NRG1: variants seen among roughly 807,000 people sequenced by gnomAD.
NRG1 encodes pro-neuregulin-1, membrane-bound isoform.
Under a neutral mutation model 63.8 loss-of-function variants are expected in NRG1, and 18 were observed. The observed-to-expected ratio is 0.28, with a 90% CI of 0.19 to 0.42. The LOEUF (loss-of-function observed/expected upper bound fraction) is 0.42, where lower values mean the gene tolerates loss of function less well. Among genes scored for constraint, NRG1 ranks in the 10% least tolerant of loss-of-function variants. The pLI is 1.00. For missense variants in NRG1, 762 were observed against 814.7 expected, an observed-to-expected ratio of 0.94 and a Z score of 0.79; for synonymous variants, 302 against 301.3, an observed-to-expected ratio of 1.00 and a Z score of -0.02.
intron 1 of NRG1, among the ~76,000 whole-genome samples, chr8:32,363,157 G>A (rs929693888): frequency 4.6e-5 from 7 of 152,064 alleles, no homozygotes; most frequent in East Asian, 1.9e-4. Flanking sequence ...AACTGTCTTC[G>A]CAAAATCTCA....
intron 1 of NRG1, among the ~76,000 whole-genome samples, chr8:31,648,290 T>C (rs1204907877): frequency 6.6e-6 from 1 of 151,674 alleles, no homozygotes; most frequent in East Asian, 1.9e-4. Context: ...CGCGCCACCA[T>C]GCCCGGCTAA....
chr8:31,737,696 G>A (rs1563344240), intron 1 of NRG1, among the ~76,000 whole-genome samples: 1 of 152,230 alleles, frequency 6.6e-6, no homozygotes, highest in Admixed American at 6.5e-5. Context: ...AACTTGGATG[G>A]GAGCAGGCTG....
chr8:31,748,287 A>G (rs1228807743), intron 1 of NRG1, among the ~76,000 whole-genome samples: 2 of 151,900 alleles, frequency 1.3e-5, no homozygotes, highest in African/African-American at 4.8e-5. Context: ...CATTCTAAAC[A>G]CCTTCTGCCA....
chr8:32,723,755 T>C (rs1313156569), intron 5 of NRG1, among the ~76,000 whole-genome samples: 2 of 48,236 alleles, frequency 4.1e-5, no homozygotes, highest in Non-Finnish European at 8.3e-5. Context: ...AGGACGGAAA[T>C]AAGGAAGGAG....
At chr8:31,886,515 C>CA (rs1830725584) in intron 1 of NRG1, among the ~76,000 whole-genome samples, 1 of 151,954 alleles carries the variant, frequency 6.6e-6, no homozygotes, top group Non-Finnish European at 1.5e-5. Context: ...TAGAAAACAG[C>CA]AAAAATAATT....
chr8:32,754,621 T>A, intron 8 of NRG1, 147 bp downstream of exon 8: 2 of 710,308 alleles, frequency 2.8e-6, no homozygotes, highest in Non-Finnish European at 4.8e-6. Flanking sequence ...CTCTGAATAA[T>A]CCATTTTGAG....
At chr8:32,743,189 A>T in intron 7 of NRG1, 7 of 986,728 alleles carry the variant, frequency 7.1e-6, no homozygotes, top group Non-Finnish European at 8.4e-6. Flanking sequence ...TTTGATTCAG[A>T]ATGTGTTATT....
chr8:32,215,800 G>A (rs1314555822), intron 1 of NRG1, among the ~76,000 whole-genome samples: 3 of 152,140 alleles, frequency 2.0e-5, no homozygotes, highest in African/African-American at 7.2e-5. Context: ...CCAGCAATTT[G>A]GGAGACCAAG....
intron 1 of NRG1, among the ~76,000 whole-genome samples, chr8:31,725,573 T>A (rs528553219): frequency 6.6e-6 from 1 of 152,288 alleles, no homozygotes; most frequent in South Asian, 2.1e-4. Flanking sequence ...TCAGTTTGAA[T>A]AGAAAATGCT....
chr8:31,685,493 C>G (rs1585654772), intron 1 of NRG1, among the ~76,000 whole-genome samples: 1 of 152,106 alleles, frequency 6.6e-6, no homozygotes, highest in Non-Finnish European at 1.5e-5. Flanking sequence ...GCAGTTTAAA[C>G]AGCTTTATTG....
chr8:32,503,699 A>T (rs1481012388), intron 1 of NRG1, among the ~76,000 whole-genome samples: 1 of 152,210 alleles, frequency 6.6e-6, no homozygotes, highest in Non-Finnish European at 1.5e-5. Flanking sequence ...CGGTGAATCC[A>T]TACGGGTATG....
chr8:31,685,520 G>A (rs1267734812), intron 1 of NRG1, among the ~76,000 whole-genome samples: 1 of 152,146 alleles, frequency 6.6e-6, no homozygotes, highest in Non-Finnish European at 1.5e-5. Context: ...AATTTACATT[G>A]TCATAGAGTC....
intron 1 of NRG1, among the ~76,000 whole-genome samples, chr8:31,790,412 T>C (rs1289122344): frequency 6.6e-6 from 1 of 152,152 alleles, no homozygotes; most frequent in East Asian, 1.9e-4. Flanking sequence ...CTAAACCCTA[T>C]CACAACTTAT....
At chr8:32,608,315 T>A (rs2129540234) in intron 3 of NRG1, among the ~76,000 whole-genome samples, 1 of 151,412 alleles carries the variant, frequency 6.6e-6, no homozygotes, top group Middle Eastern at 3.4e-3. Context: ...AGTAGCCAGG[T>A]GCATGCCATT....
chr8:32,756,469 G>T (rs113603953), exon 9 of NRG1: 2 of 1,613,716 alleles, frequency 1.2e-6, no homozygotes, highest in East Asian at 4.5e-5. Flanking sequence ...ACAATATGAT[G>T]AACATTGCCA....
At chr8:32,075,715 C>G (rs2131084493) in intron 1 of NRG1, among the ~76,000 whole-genome samples, 1 of 151,126 alleles carries the variant, frequency 6.6e-6, no homozygotes, top group South Asian at 2.1e-4. Context: ...CTCTGTCACC[C>G]AGGCTGGAGT....
intron 1 of NRG1, among the ~76,000 whole-genome samples, chr8:32,472,589 G>T (rs1256426496): frequency 6.6e-6 from 1 of 152,216 alleles, no homozygotes; most frequent in Non-Finnish European, 1.5e-5. Flanking sequence ...ACACCAGAAT[G>T]GTTGGAAGAC....
At chr8:31,639,855 A>G in intron 1 of NRG1, 1 of 1,114,850 alleles carries the variant, frequency 9.0e-7, no homozygotes, top group Non-Finnish European at 1.1e-6. Flanking sequence ...CCCCCAATAA[A>G]TAAATAAAAG....
chr8:32,702,484 T>C (rs1287432805), intron 5 of NRG1, among the ~76,000 whole-genome samples: 1 of 152,200 alleles, frequency 6.6e-6, no homozygotes, highest in Admixed American at 6.5e-5. Context: ...TTGTCGGTAT[T>C]ACTATGAATT....
Sources: gnomAD v4.1 joint callset for allele counts (sites outside exome capture counted in the v4.1 genomes callset) on GRCh38, gnomAD v4.1.1 for gene constraint, MANE v1.5 for transcripts, NCBI Gene and HGNC (gene_info 2026-07-23, HGNC 2026-07-21) for gene names.